Variants in C2orf49 observed in about 807,000 individuals in gnomAD.
C2orf49 encodes the protein tRNA-splicing ligase complex subunit ASW.
C2orf49 carries 11 observed loss-of-function variants against 20.6 expected under a neutral mutation model. That is an observed-to-expected ratio of 0.53 (90% CI 0.34 to 0.88). C2orf49 has a LOEUF of 0.88. Among genes scored for constraint, C2orf49 ranks in the 40% least tolerant of loss-of-function variants. The pLI is 0.02. For synonymous variants in C2orf49, 134 were observed against 108.5 expected (o/e 1.24, Z -1.46); for missense variants, 289 against 274.2 (o/e 1.05, Z -0.38).
chr2:105,340,206 A>G (rs1465605764), intron 2 of C2orf49, among the ~76,000 whole-genome samples: 1 of 152,214 alleles, frequency 6.6e-6, no homozygotes, highest in African/African-American at 2.4e-5. Context: ...CTGGGGGCAA[A>G]CGGGAGAGAT....
rs541780867 is a variant in C2orf49, at chr2:105,346,936, A to G, written c.*1565A>G. ...TAAGCAAGAGCAAAGGATACTTCAT[A>G]CTTTTTTCGTTATATGATTGATCTT... On this transcript the variant is annotated 3_prime_UTR_variant, in exon 4 of 4. Coordinates refer to ENST00000258457, the MANE Select transcript of C2orf49 (RefSeq NM_024093.3). 3 of 152,320 alleles carry G rather than the reference A, an allele frequency of 2.0e-5. No individual in the cohort carries two copies. The South Asian group carries it at 6.2e-4, about 32-fold the overall frequency. 9.4% of individuals were successfully genotyped at this position (152,320 alleles called of 1,614,324 possible). A position where few individuals can be genotyped will look rare whatever the true frequency, so the allele number is the denominator to read the frequency against.
chr2:105,368,563 G>A, the C2orf49 span, among the ~76,000 whole-genome samples: 6 of 152,088 alleles, frequency 3.9e-5, no homozygotes, highest in African/African-American at 1.2e-4. Context: ...ATTGTCTTTT[G>A]AATAACTATT....
At chr2:105,384,123 G>A in the C2orf49 span, among the ~76,000 whole-genome samples, 2 of 152,176 alleles carry the variant, frequency 1.3e-5, no homozygotes, top group African/African-American at 2.4e-5. Context: ...ACTGGTCAGG[G>A]ATGATTAGCC....
intron 3 of C2orf49, 98 bp from the exon 4 acceptor site, chr2:105,345,216 TA>T: frequency 9.7e-7 from 1 of 1,034,118 alleles, no homozygotes; most frequent in Non-Finnish European, 1.5e-6. Context: ...GATCTTCCAT[TA>T]ATACATTAAT....
chr2:105,345,400 T>C lies in C2orf49; in HGVS notation c.*29T>C. 1.3e-6 allele frequency: 2 copies of C among 1,529,098 alleles called. No homozygotes were observed. The highest frequency in any genetic ancestry group is 1.8e-6 in the Non-Finnish European group (2 of 1,107,612). 94.7% of individuals were successfully genotyped at this position (1,529,098 alleles called of 1,614,324 possible). ...AAAGTTTCCAAAAATGTAAATATAC[T>C]GTAACTGTAGTTTTTCAAATATGTT... On this transcript the variant is annotated 3_prime_UTR_variant, in exon 4 of 4. Coordinates refer to ENST00000258457, the MANE Select transcript of C2orf49 (RefSeq NM_024093.3).
chr2:105,363,353 G>A, the C2orf49 span: 2 of 1,614,188 alleles, frequency 1.2e-6, no homozygotes, highest in South Asian at 1.1e-5. Flanking sequence ...CAGGCAGTAG[G>A]CAAAGTCATC....
the C2orf49 span, among the ~76,000 whole-genome samples, chr2:105,366,188 C>T: frequency 2.1e-4 from 32 of 150,394 alleles, no homozygotes; most frequent in South Asian, 5.9e-3. Flanking sequence ...CCAGCCTGGG[C>T]GACAGTGTGA....
the C2orf49 span, among the ~76,000 whole-genome samples, chr2:105,380,990 A>T: frequency 3.9e-5 from 6 of 151,984 alleles, no homozygotes; most frequent in Non-Finnish European, 7.4e-5. Flanking sequence ...GTCCTTTTTG[A>T]GACTTTAGCT....
chr2:105,372,116 T>C, the C2orf49 span, among the ~76,000 whole-genome samples: 3 of 152,246 alleles, frequency 2.0e-5, no homozygotes, highest in Non-Finnish European at 2.9e-5. Context: ...GTGTCACAGT[T>C]GTTTTAAAGT....
At chr2:105,363,407 G>A in the C2orf49 span, 1 of 1,613,526 alleles carries the variant, frequency 6.2e-7, no homozygotes, top group Non-Finnish European at 8.5e-7. Context: ...CCTGCAGGCG[G>A]TGCACACGAA....
intron 3 of C2orf49, among the ~76,000 whole-genome samples, chr2:105,344,965 G>A (rs1036513257): frequency 6.6e-6 from 1 of 152,098 alleles, no homozygotes; most frequent in East Asian, 1.9e-4. Context: ...GCAGTCAGTG[G>A]TTTTCAACTC....
intron 3 of C2orf49, 66 bp downstream of exon 3, chr2:105,343,289 G>C: frequency 6.7e-7 from 1 of 1,482,984 alleles, no homozygotes; most frequent in Non-Finnish European, 9.0e-7. Flanking sequence ...TCTGCCTCAT[G>C]ACGGGAGGTG....
the C2orf49 span, among the ~76,000 whole-genome samples, chr2:105,379,040 A>G: frequency 9.2e-5 from 14 of 152,170 alleles, no homozygotes; most frequent in Non-Finnish European, 2.1e-4. Flanking sequence ...CTGGGATCCC[A>G]GGAGCACGTG....
At chr2:105,381,676 C>A in the C2orf49 span, among the ~76,000 whole-genome samples, 3 of 152,184 alleles carry the variant, frequency 2.0e-5, no homozygotes, top group Admixed American at 2.0e-4. Context: ...ATTCCCTTCA[C>A]AGACAGATTT....
the C2orf49 span, chr2:105,374,075 A>G: frequency 6.1e-6 from 2 of 326,006 alleles, no homozygotes; most frequent in African/African-American, 4.3e-5. Context: ...TTCGTCTCAC[A>G]CCACATCCGG....
At chr2:105,369,602 G>GA in the C2orf49 span, among the ~76,000 whole-genome samples, 1 of 152,174 alleles carries the variant, frequency 6.6e-6, no homozygotes, top group Non-Finnish European at 1.5e-5. Context: ...GTGGGGTGAT[G>GA]AATCCTAAAA....
At chr2:105,372,237 T>A in the C2orf49 span, among the ~76,000 whole-genome samples, 1 of 152,322 alleles carries the variant, frequency 6.6e-6, no homozygotes. Flanking sequence ...AACTTTCTTT[T>A]TTTTTTGAGA....
chr2:105,385,029 A>C, the C2orf49 span, among the ~76,000 whole-genome samples: 1 of 152,204 alleles, frequency 6.6e-6, no homozygotes, highest in Non-Finnish European at 1.5e-5. Context: ...AAGATACACA[A>C]CTTTTAGAGT....
At chr2:105,349,740 A>G (rs553742920), downstream of C2orf49, among the ~76,000 whole-genome samples, 17 of 152,348 alleles carry the variant, frequency 1.1e-4, 1 homozygote, top group South Asian at 1.4e-3. Context: ...AAGGATGAAG[A>G]AAGTAGGATG....
Sources: allele counts gnomAD v4.1 joint callset (sites outside exome capture counted in the v4.1 genomes callset), GRCh38; gene constraint gnomAD v4.1.1; transcripts MANE v1.5; gene names NCBI Gene and HGNC (gene_info 2026-07-23, HGNC 2026-07-21).